The following CADM2 variants were observed in gnomAD, a reference collection of about 807,000 sequenced individuals.
The protein encoded by CADM2 is immunoglobulin superfamily member 4D.
Under a neutral mutation model 49.8 loss-of-function variants are expected in CADM2, and 12 were observed. The ratio of observed to expected loss-of-function variants is 0.24; its 90% CI spans 0.15 to 0.39. The LOEUF is 0.39. Among genes scored for constraint, CADM2 ranks in the 10% least tolerant of loss-of-function variants. The pLI, the probability that CADM2 is intolerant of heterozygous loss-of-function variation, is 1.00. For synonymous variants in CADM2, 214 were observed against 175.4 expected (o/e 1.22, Z -1.74); for missense variants, 378 against 492.3 (o/e 0.77, Z 2.20).
chr3:85,749,935 T>C (rs1262191822), intron 2 of CADM2, among the ~76,000 whole-genome samples: 2 of 152,060 alleles, frequency 1.3e-5, no homozygotes, highest in Non-Finnish European at 2.9e-5. Flanking sequence ...TTAGATTCCT[T>C]TGTTTTAAGA....
intron 1 of CADM2, among the ~76,000 whole-genome samples, chr3:85,654,899 TAAATG>T (rs1454680495): frequency 6.6e-6 from 1 of 152,182 alleles, no homozygotes; most frequent in East Asian, 1.9e-4. Context: ...GCTTTAGTGA[TAAATG>T]AAAGATAATC....
intron 1 of CADM2, among the ~76,000 whole-genome samples, chr3:85,290,409 T>G (rs371432900): frequency 2.0e-5 from 3 of 152,308 alleles, no homozygotes; most frequent in East Asian, 3.9e-4. Flanking sequence ...CAAAGCAGCC[T>G]GGAAGCTCCA....
At chr3:85,785,912 C>T (rs886891044) in intron 2 of CADM2, among the ~76,000 whole-genome samples, 25 of 151,826 alleles carry the variant, frequency 1.6e-4, no homozygotes, top group Admixed American at 5.3e-4. Context: ...TAGCAACTTC[C>T]TCAGTTCTCA....
At chr3:85,250,889 T>A (rs1576212260) in intron 1 of CADM2, among the ~76,000 whole-genome samples, 1 of 151,876 alleles carries the variant, frequency 6.6e-6, no homozygotes, top group East Asian at 1.9e-4. Context: ...ATAGCTTACA[T>A]AGAGAACAAT....
intron 1 of CADM2, among the ~76,000 whole-genome samples, chr3:85,699,259 G>T (rs1398902607): frequency 2.0e-5 from 3 of 152,148 alleles, no homozygotes; most frequent in Non-Finnish European, 2.9e-5. Flanking sequence ...TTGAGTGTCT[G>T]TGGCTTTCCA....
At chr3:86,066,223 C>T (rs576046384) in intron 9 of CADM2, among the ~76,000 whole-genome samples, 5 of 148,436 alleles carry the variant, frequency 3.4e-5, no homozygotes, top group Non-Finnish European at 7.4e-5. Context: ...GTCCCAGCTA[C>T]TCGGGAGGCT....
intron 1 of CADM2, among the ~76,000 whole-genome samples, chr3:85,593,175 A>G (rs940829858): frequency 6.9e-6 from 1 of 144,926 alleles, no homozygotes; most frequent in Admixed American, 7.7e-5. Context: ...AAGATTTTTT[A>G]TTTTATTTTA....
At chr3:85,392,713 A>G (rs1239587839) in intron 1 of CADM2, among the ~76,000 whole-genome samples, 1 of 151,954 alleles carries the variant, frequency 6.6e-6, no homozygotes, top group Non-Finnish European at 1.5e-5. Flanking sequence ...AATTCTATAA[A>G]CTCTTTATGG....
intron 1 of CADM2, among the ~76,000 whole-genome samples, chr3:85,291,617 G>T: frequency 6.8e-6 from 1 of 147,170 alleles, no homozygotes; most frequent in South Asian, 2.1e-4. Context: ...AGCCAGAAGA[G>T]AGTGGGGGCC....
intron 1 of CADM2, among the ~76,000 whole-genome samples, chr3:85,645,824 C>G (rs2064866735): frequency 6.6e-6 from 1 of 151,710 alleles, no homozygotes; most frequent in African/African-American, 2.4e-5. Flanking sequence ...AAAAGAAAAA[C>G]TTTATTTTGA....
At chr3:85,273,944 A>G (rs1408886866) in intron 1 of CADM2, among the ~76,000 whole-genome samples, 1 of 151,448 alleles carries the variant, frequency 6.6e-6, no homozygotes, top group Non-Finnish European at 1.5e-5. Context: ...TTGAAGCATC[A>G]AAGGAGAATG....
At chr3:85,256,106 A>G (rs1170648703) in intron 1 of CADM2, among the ~76,000 whole-genome samples, 2 of 151,558 alleles carry the variant, frequency 1.3e-5, no homozygotes, top group Non-Finnish European at 2.9e-5. Context: ...CCATTTCCTG[A>G]CTCTGTTTTC....
chr3:85,185,745 C>T (rs1368797280), intron 1 of CADM2, among the ~76,000 whole-genome samples: 4 of 152,154 alleles, frequency 2.6e-5, no homozygotes, highest in Non-Finnish European at 5.9e-5. Flanking sequence ...AATTGAAGAG[C>T]TGTGAACTGC....
At chr3:85,000,114 TTC>T (rs59094520) in intron 1 of CADM2, among the ~76,000 whole-genome samples, 23,476 of 136,504 alleles carry the variant, frequency 0.17, 1,834 homozygotes, top group Non-Finnish European at 0.18. Context: ...TGCTTCTACT[TTC>T]TCTCTCTCTC....
chr3:85,307,025 A>G (rs935514542), intron 1 of CADM2, among the ~76,000 whole-genome samples: 1 of 151,618 alleles, frequency 6.6e-6, no homozygotes, highest in African/African-American at 2.4e-5. Flanking sequence ...TGAACTTCTT[A>G]TAAATGGATG....
At chr3:85,064,516 G>A (rs1044062891) in intron 1 of CADM2, among the ~76,000 whole-genome samples, 1 of 152,018 alleles carries the variant, frequency 6.6e-6, no homozygotes, top group Non-Finnish European at 1.5e-5. Flanking sequence ...GTTTTACCCT[G>A]AACTAGTAGT....
intron 1 of CADM2, among the ~76,000 whole-genome samples, chr3:85,157,516 A>G (rs1053548950): frequency 6.6e-6 from 1 of 152,138 alleles, no homozygotes; most frequent in Non-Finnish European, 1.5e-5. Flanking sequence ...AACAGAACAG[A>G]GCCCTCAGAA....
intron 1 of CADM2, among the ~76,000 whole-genome samples, chr3:85,664,045 C>G (rs2065489287): frequency 6.6e-6 from 1 of 151,972 alleles, no homozygotes; most frequent in African/African-American, 2.4e-5. Flanking sequence ...GATTTGCCAG[C>G]CACAAATTCA....
chr3:85,280,172 C>T (rs1244080532), intron 1 of CADM2, among the ~76,000 whole-genome samples: 1 of 151,594 alleles, frequency 6.6e-6, no homozygotes, highest in Non-Finnish European at 1.5e-5. Flanking sequence ...TACATTTTTA[C>T]TTCTCCCCTT....
Sources: gnomAD v4.1 joint callset for allele counts (sites outside exome capture counted in the v4.1 genomes callset) on GRCh38, gnomAD v4.1.1 for gene constraint, MANE v1.5 for transcripts, NCBI Gene and HGNC (gene_info 2026-07-23, HGNC 2026-07-21) for gene names.